The following HDAC9 variants were observed in gnomAD, a reference collection of about 807,000 sequenced individuals.
HDAC9 encodes MEF-2 interacting transcription repressor (MITR) protein.
A neutral mutation model predicts 139.4 loss-of-function variants in HDAC9; 41 were observed. That is an observed-to-expected ratio of 0.29 (90% CI 0.23 to 0.38). The LOEUF (loss-of-function observed/expected upper bound fraction) is 0.38, where lower values mean the gene tolerates loss of function less well. Among genes scored for constraint, HDAC9 ranks in the 10% least tolerant of loss-of-function variants. HDAC9 has a pLI of 1.00. For missense variants in HDAC9, 1,147 were observed against 1,297.0 expected, an observed-to-expected ratio of 0.88 and a Z score of 1.78; for synonymous variants, 517 against 476.2, an observed-to-expected ratio of 1.09 and a Z score of -1.12.
chr7:18,244,517 G>A (rs554612354), intron 2 of HDAC9, among the ~76,000 whole-genome samples: 4 of 152,298 alleles, frequency 2.6e-5, no homozygotes, highest in East Asian at 1.9e-4. Context: ...AAGATGTTGC[G>A]GCTAGGCGTG....
intron 22 of HDAC9, among the ~76,000 whole-genome samples, chr7:18,902,969 A>T (rs73322124): frequency 0.068 from 10,390 of 152,296 alleles, 976 homozygotes; most frequent in African/African-American, 0.2. Flanking sequence ...GGGTAAGCAA[A>T]ACCAATTGTG....
intron 6 of HDAC9, 49 bp from the exon 7 acceptor site, chr7:18,629,301 C>G (rs995417244): frequency 2.7e-6 from 4 of 1,469,758 alleles, no homozygotes; most frequent in African/African-American, 1.5e-5. Flanking sequence ...AATTGGCTCT[C>G]TATTTTTTTA....
intron 13 of HDAC9, among the ~76,000 whole-genome samples, chr7:18,746,190 G>A (rs1787960772): frequency 6.6e-6 from 1 of 152,112 alleles, no homozygotes; most frequent in Non-Finnish European, 1.5e-5. Flanking sequence ...TTTTCAAAAT[G>A]AGGTGGATGT....
intron 12 of HDAC9, among the ~76,000 whole-genome samples, chr7:18,711,289 T>C (rs1453327218): frequency 6.6e-6 from 1 of 152,160 alleles, no homozygotes; most frequent in Non-Finnish European, 1.5e-5. Flanking sequence ...CTTCTAAATA[T>C]CTCAGGGGTC....
chr7:18,246,279 T>C (rs990007001), intron 2 of HDAC9, among the ~76,000 whole-genome samples: 2 of 151,204 alleles, frequency 1.3e-5, no homozygotes, highest in African/African-American at 4.9e-5. Context: ...AAGTGGAATT[T>C]AGGGCAAGAG....
At chr7:18,620,006 T>G (rs1839783774) in intron 6 of HDAC9, among the ~76,000 whole-genome samples, 1 of 152,196 alleles carries the variant, frequency 6.6e-6, no homozygotes, top group Admixed American at 6.5e-5. Context: ...TATTCATTCT[T>G]GAGACCATGA....
intron 1 of HDAC9, among the ~76,000 whole-genome samples, chr7:18,387,028 G>A (rs532183551): frequency 6.6e-6 from 1 of 152,178 alleles, no homozygotes; most frequent in Non-Finnish European, 1.5e-5. Flanking sequence ...AAGATTGCCA[G>A]TCTCAGATCT....
At chr7:18,440,985 C>G (rs893901721) in intron 1 of HDAC9, among the ~76,000 whole-genome samples, 2 of 152,130 alleles carry the variant, frequency 1.3e-5, no homozygotes, top group Non-Finnish European at 2.9e-5. Flanking sequence ...ATTAGGGACA[C>G]GAGATTTGGC....
At chr7:18,359,439 T>A (rs1351488627) in intron 1 of HDAC9, among the ~76,000 whole-genome samples, 2 of 152,218 alleles carry the variant, frequency 1.3e-5, no homozygotes, top group Non-Finnish European at 2.9e-5. Flanking sequence ...ATCTTCTTAC[T>A]TCTTTTCTTC....
At chr7:18,916,953 A>G (rs1803263965) in intron 22 of HDAC9, among the ~76,000 whole-genome samples, 1 of 151,878 alleles carries the variant, frequency 6.6e-6, no homozygotes, top group African/African-American at 2.4e-5. Context: ...TATTTCCGGA[A>G]CCTAAGAGGC....
At chr7:18,671,089 C>T (rs1269617187) in intron 12 of HDAC9, among the ~76,000 whole-genome samples, 2 of 151,966 alleles carry the variant, frequency 1.3e-5, no homozygotes, top group African/African-American at 2.4e-5. Flanking sequence ...TTCTTAGCTT[C>T]ATTCCCAAAC....
At chr7:18,736,445 G>A (rs762040360) in intron 13 of HDAC9, among the ~76,000 whole-genome samples, 1 of 152,160 alleles carries the variant, frequency 6.6e-6, no homozygotes, top group African/African-American at 2.4e-5. Flanking sequence ...TTAGCATGAA[G>A]GGCTGTTGAA....
intron 2 of HDAC9, among the ~76,000 whole-genome samples, chr7:18,169,482 T>C (rs1246683583): frequency 1.3e-5 from 2 of 152,174 alleles, no homozygotes; most frequent in African/African-American, 2.4e-5. Flanking sequence ...AATTATACTT[T>C]AAGTTGTAGG....
chr7:18,648,452 A>ATT lies in HDAC9; in HGVS notation c.1250-5_1250-4dup, dbSNP rs762238501. On this transcript the variant is annotated splice_polypyrimidine_tract_variant and intron_variant, in intron 10 of 25. Coordinates refer to ENST00000686413, the MANE Select transcript of HDAC9 (RefSeq NM_178425.4). ...TGTGTGTATACACACATATACATGT[A>ATT]TTTTTTTTTTCAGGTGGAGTTCCCT... The ATT allele has an allele frequency of 5.7e-6, 8 of 1,401,006 alleles. No individual in the cohort carries two copies. Among genetic ancestry groups the ATT allele is most frequent in the Middle Eastern group, 3.6e-4 (2 of 5,482 alleles). 86.8% of individuals were successfully genotyped at this position (1,401,006 alleles called of 1,614,324 possible). A position where few individuals can be genotyped will look rare whatever the true frequency, so the allele number is the denominator to read the frequency against.
intron 1 of HDAC9, among the ~76,000 whole-genome samples, chr7:18,115,459 T>C (rs1486346398): frequency 6.6e-6 from 1 of 152,246 alleles, no homozygotes; most frequent in African/African-American, 2.4e-5. Context: ...CCAATGATTA[T>C]GTTATTTGCA....
chr7:18,374,722 T>C (rs1396347611), intron 1 of HDAC9, among the ~76,000 whole-genome samples: 4 of 152,024 alleles, frequency 2.6e-5, no homozygotes, highest in African/African-American at 7.2e-5. Context: ...TCTTTATATA[T>C]ATAAAATATA....
chr7:18,751,080 TAA>T (rs1323711189), intron 14 of HDAC9, among the ~76,000 whole-genome samples: 1 of 152,212 alleles, frequency 6.6e-6, no homozygotes, highest in African/African-American at 2.4e-5. Context: ...CACACTGGTC[TAA>T]AAATTAGAAA....
At chr7:18,580,121 C>G (rs916112687) in intron 2 of HDAC9, among the ~76,000 whole-genome samples, 1 of 152,006 alleles carries the variant, frequency 6.6e-6, no homozygotes, top group African/African-American at 2.4e-5. Flanking sequence ...CTTTAACGAC[C>G]CTTGAATTAA....
intron 12 of HDAC9, among the ~76,000 whole-genome samples, chr7:18,702,126 G>A (rs1350541823): frequency 2.0e-5 from 3 of 152,164 alleles, no homozygotes; most frequent in East Asian, 1.9e-4. Context: ...TAGGTTAGTC[G>A]GATCTCGCTG....
Sources: allele counts gnomAD v4.1 joint callset (sites outside exome capture counted in the v4.1 genomes callset), GRCh38; gene constraint gnomAD v4.1.1; transcripts MANE v1.5; gene names NCBI Gene and HGNC (gene_info 2026-07-23, HGNC 2026-07-21).